The following NUBPL variants were observed in gnomAD, a reference collection of about 807,000 sequenced individuals.
NUBPL encodes the protein iron-sulfur cluster transfer protein NUBPL.
A neutral mutation model predicts 45.7 loss-of-function variants in NUBPL; 31 were observed. That is an observed-to-expected ratio of 0.68 (90% CI 0.51 to 0.92). The LOEUF is 0.92. Among genes scored for constraint, NUBPL ranks in the 40% least tolerant of loss-of-function variants. The pLI is 0.00. For missense variants in NUBPL, 401 were observed against 398.7 expected (o/e 1.01, Z -0.05); for synonymous variants, 144 against 140.9 (o/e 1.02, Z -0.15).
At chr14:31,778,633 T>C (rs558421549) in intron 6 of NUBPL, among the ~76,000 whole-genome samples, 1 of 152,308 alleles carries the variant, frequency 6.6e-6, no homozygotes, top group East Asian at 1.9e-4. Flanking sequence ...TCCAGTAAGG[T>C]TTAACTACTG....
chr14:31,836,004 T>A (rs898017349), intron 8 of NUBPL, among the ~76,000 whole-genome samples: 2 of 152,208 alleles, frequency 1.3e-5, no homozygotes, highest in African/African-American at 4.8e-5. Flanking sequence ...GATTATATAG[T>A]AGCTTAAAAA....
At chr14:31,662,616 C>T (rs774914153) in intron 4 of NUBPL, among the ~76,000 whole-genome samples, 12 of 152,126 alleles carry the variant, frequency 7.9e-5, no homozygotes, top group South Asian at 2.1e-4. Context: ...ATGATGGTTT[C>T]CAGCTTTATC....
chr14:31,622,699 C>A (rs1449140149), intron 4 of NUBPL, among the ~76,000 whole-genome samples: 1 of 152,204 alleles, frequency 6.6e-6, no homozygotes, highest in Non-Finnish European at 1.5e-5. Context: ...GTTGGGCCTG[C>A]AAGTGCTCAG....
intron 4 of NUBPL, among the ~76,000 whole-genome samples, chr14:31,657,157 C>A (rs1234536632): frequency 6.6e-6 from 1 of 152,070 alleles, no homozygotes; most frequent in Non-Finnish European, 1.5e-5. Context: ...AGCCAGTAAC[C>A]AAAATCACCA....
At chr14:31,747,639 A>T (rs2038430635) in intron 6 of NUBPL, among the ~76,000 whole-genome samples, 1 of 151,878 alleles carries the variant, frequency 6.6e-6, no homozygotes, top group South Asian at 2.1e-4. Context: ...CTTTGTATTT[A>T]TGTGGTCTTG....
chr14:31,732,000 A>G (rs1189058507), intron 6 of NUBPL, among the ~76,000 whole-genome samples: 1 of 151,828 alleles, frequency 6.6e-6, no homozygotes, highest in Non-Finnish European at 1.5e-5. Context: ...CAGGAGAGCT[A>G]GACTATCCTG....
intron 6 of NUBPL, among the ~76,000 whole-genome samples, chr14:31,705,424 T>A (rs561363846): frequency 6.6e-6 from 1 of 152,350 alleles, no homozygotes; most frequent in Middle Eastern, 3.4e-3. Flanking sequence ...TCCTACTGAT[T>A]GGTCCATTTT....
chr14:31,617,422 T>C lies in NUBPL; in HGVS notation c.382+18043T>C, dbSNP rs192621694. Among the ~76,000 whole-genome samples the C allele has an allele frequency of 3.4e-4, 52 of 152,320 alleles. No individual in the cohort carries two copies. The East Asian group carries it at 9.1e-3, about 27-fold the overall frequency. On this transcript the variant is annotated intron_variant, in intron 4 of 10. Coordinates refer to ENST00000281081, the MANE Select transcript of NUBPL (RefSeq NM_025152.3). The stretch of plus-strand genomic sequence containing the variant: ...ATATTGGCTGTGGGTTTGTCATAAA[T>C]AGCTCTTATTATTTTGAGATATGTT...
chr14:31,582,046 T>C (rs1215756113), intron 3 of NUBPL, among the ~76,000 whole-genome samples: 3 of 152,206 alleles, frequency 2.0e-5, no homozygotes, highest in East Asian at 1.9e-4. Context: ...TTTACTTTCA[T>C]TGGCTTGAAA....
chr14:31,621,374 C>T (rs1010799685), intron 4 of NUBPL, among the ~76,000 whole-genome samples: 5 of 152,116 alleles, frequency 3.3e-5, no homozygotes, highest in Admixed American at 6.6e-5. Context: ...GCCTAAGTGG[C>T]CTCCCAGTTT....
chr14:31,765,408 G>T (rs2038894095), intron 6 of NUBPL, among the ~76,000 whole-genome samples: 1 of 152,148 alleles, frequency 6.6e-6, no homozygotes, highest in Non-Finnish European at 1.5e-5. Context: ...GTGTAAACAT[G>T]GTACACTCAT....
chr14:31,774,305 T>C lies in NUBPL; in HGVS notation c.514-13475T>C, dbSNP rs2039061104. 2.0e-5 allele frequency among the ~76,000 whole-genome samples: 3 copies of C among 152,254 alleles called. No individual in the cohort carries two copies. In the South Asian group the frequency reaches 6.2e-4, roughly 31 times the overall value. On this transcript the variant is annotated intron_variant, in intron 6 of 10. Transcript: ENST00000281081. Reference sequence around the variant, plus strand: ...GACTTGGCTTATGTAATGCTAATGATAGAAACTGCTACTCTGGAAACTGAT... The same window carrying C: ...GACTTGGCTTATGTAATGCTAATGACAGAAACTGCTACTCTGGAAACTGAT...
intron 7 of NUBPL, among the ~76,000 whole-genome samples, chr14:31,819,342 A>G (rs1566580955): frequency 6.6e-6 from 1 of 152,194 alleles, no homozygotes; most frequent in Non-Finnish European, 1.5e-5. Flanking sequence ...AAAACAGTTA[A>G]TTTTTTAAGT....
intron 3 of NUBPL, among the ~76,000 whole-genome samples, chr14:31,591,508 T>C (rs1227917391): frequency 1.3e-5 from 2 of 152,184 alleles, no homozygotes; most frequent in Admixed American, 1.3e-4. Flanking sequence ...TTCTTTGTAA[T>C]AGATTTTCTT....
chr14:31,824,968 A>G (rs1301624946), intron 7 of NUBPL, among the ~76,000 whole-genome samples: 3 of 152,206 alleles, frequency 2.0e-5, no homozygotes, highest in East Asian at 3.9e-4. Flanking sequence ...GATTCAGCCA[A>G]TCTTAACCAG....
rs1566567122 is a variant in NUBPL, at chr14:31,798,450, A to G, written c.607+10577A>G. On this transcript the variant is annotated intron_variant, in intron 7 of 10. Coordinates refer to ENST00000281081, the MANE Select transcript of NUBPL (RefSeq NM_025152.3). ...TTACTTGCAGGCTCTATATTAAATT[A>G]CTAATGAGAATAATTAGTATTGTTC... Among the ~76,000 whole-genome samples, 3 of 151,736 alleles carry G rather than the reference A, an allele frequency of 2.0e-5. No homozygotes were observed. The South Asian group carries it at 6.2e-4, about 32-fold the overall frequency.
chr14:31,640,051 C>T (rs2035637947), intron 4 of NUBPL, among the ~76,000 whole-genome samples: 1 of 152,170 alleles, frequency 6.6e-6, no homozygotes, highest in Non-Finnish European at 1.5e-5. Context: ...CGAGGCAGTG[C>T]CTCGCCCTGC....
intron 6 of NUBPL, among the ~76,000 whole-genome samples, chr14:31,719,004 G>A (rs569816677): frequency 6.6e-6 from 1 of 152,284 alleles, no homozygotes; most frequent in East Asian, 1.9e-4. Context: ...AGTCAAAAAT[G>A]CATTTAATAC....
At chr14:31,711,218 C>T (rs145190405) in intron 6 of NUBPL, among the ~76,000 whole-genome samples, 1,823 of 152,218 alleles carry the variant, frequency 0.012, 28 homozygotes, top group African/African-American at 0.034. Flanking sequence ...ACCCTTGGCT[C>T]GGCCCAGAAG....
Sources: gnomAD v4.1 joint callset for allele counts (sites outside exome capture counted in the v4.1 genomes callset) on GRCh38, gnomAD v4.1.1 for gene constraint, MANE v1.5 for transcripts, NCBI Gene and HGNC (gene_info 2026-07-23, HGNC 2026-07-21) for gene names.